ITPR1: variants seen among roughly 807,000 people sequenced by gnomAD.
ITPR1 encodes the protein inositol 1,4,5-trisphosphate receptor type 1, also known as inositol 1,4,5-trisphosphate-gated calcium channel ITPR1.
Under a neutral mutation model 318.4 loss-of-function variants are expected in ITPR1, and 96 were observed. The ratio of observed to expected loss-of-function variants is 0.30; its 90% CI spans 0.26 to 0.36. The LOEUF (loss-of-function observed/expected upper bound fraction) is 0.36. Ranked by LOEUF, ITPR1 falls within the 10% of genes least tolerant of loss-of-function variation. The pLI is 1.00. For synonymous variants in ITPR1, 1,312 were observed against 1,289.9 expected, an observed-to-expected ratio of 1.02 and a Z score of -0.37; for missense variants, 2,440 against 3,460.2, an observed-to-expected ratio of 0.71 and a Z score of 7.40.
chr3:4,733,201 C>T lies in ITPR1; in HGVS notation c.5334C>T (p.Pro1778=), dbSNP rs760202989. The T allele has an allele frequency of 2.3e-5, 37 of 1,613,816 alleles. No homozygotes were observed. Among genetic ancestry groups the T allele is most frequent in the Middle Eastern group, 3.3e-4 (2 of 6,078 alleles). The change falls in exon 43 of 62, where the codon CCC becomes CCT. Residue 1778 remains proline, a synonymous_variant. Coordinates refer to ENST00000649015, the MANE Select transcript of ITPR1 (RefSeq NM_001378452.1). The part of the protein sequence containing the change: ...FGNGPLSAGG[P]GKPGGGGGGS... ...ATGGCCCACTGTCAGCAGGAGGACC[C>T]GGCAAGCCCGGGGGAGGAGGTACGC...
intron 48 of ITPR1, among the ~76,000 whole-genome samples, chr3:4,778,910 C>T (rs766940169): frequency 1.3e-5 from 2 of 152,182 alleles, no homozygotes; most frequent in Non-Finnish European, 2.9e-5. Flanking sequence ...GACCCAGGGC[C>T]TAAAATGAAG....
intron 25 of ITPR1, 38 bp from the exon 26 acceptor site, chr3:4,681,326 C>G (rs781421334): frequency 3.6e-5 from 54 of 1,490,078 alleles, no homozygotes; most frequent in Non-Finnish European, 4.9e-5. Context: ...TGTTTGCAGA[C>G]CTTCCTGCAT....
At chr3:4,536,038 A>G (rs2083840838) in intron 4 of ITPR1, among the ~76,000 whole-genome samples, 1 of 152,222 alleles carries the variant, frequency 6.6e-6, no homozygotes, top group South Asian at 2.1e-4. Context: ...CTGTGGTACC[A>G]TTTCTGGAAT....
At chr3:4,527,318 G>A (rs113006668) in intron 4 of ITPR1, among the ~76,000 whole-genome samples, 2,623 of 152,164 alleles carry the variant, frequency 0.017, 68 homozygotes, top group African/African-American at 0.058. Context: ...CTGGGACTAC[G>A]GACATACCCC....
chr3:4,622,683 G>T (rs368849460), intron 4 of ITPR1, among the ~76,000 whole-genome samples: 6 of 152,296 alleles, frequency 3.9e-5, no homozygotes, highest in East Asian at 1.9e-4. Flanking sequence ...AAAGTCCTGG[G>T]CTTACAGGTG....
At chr3:4,825,037 G>A (rs1349717817) in intron 60 of ITPR1, among the ~76,000 whole-genome samples, 2 of 152,184 alleles carry the variant, frequency 1.3e-5, no homozygotes, top group African/African-American at 4.8e-5. Context: ...CAGCCAGACT[G>A]GAGCTTCCAC....
chr3:4,684,449 C>G, intron 29 of ITPR1, 103 bp downstream of exon 29: 1 of 817,168 alleles, frequency 1.2e-6, no homozygotes, highest in Non-Finnish European at 2.0e-6. Context: ...GAGCTTTTTT[C>G]TTCATGTGGT....
At chr3:4,733,546 C>T (rs2043075561) in intron 43 of ITPR1, among the ~76,000 whole-genome samples, 1 of 152,112 alleles carries the variant, frequency 6.6e-6, no homozygotes, top group Non-Finnish European at 1.5e-5. Flanking sequence ...TCTTGTCTTT[C>T]CGTAAAATAA....
intron 30 of ITPR1, among the ~76,000 whole-genome samples, chr3:4,687,380 C>T (rs539455270): frequency 6.6e-6 from 1 of 152,278 alleles, no homozygotes; most frequent in East Asian, 1.9e-4. Context: ...ATGAAGTGTG[C>T]ACTTTTGTTA....
intron 4 of ITPR1, among the ~76,000 whole-genome samples, chr3:4,623,002 C>T (rs1200995642): frequency 6.6e-6 from 1 of 152,228 alleles, no homozygotes; most frequent in Admixed American, 6.5e-5. Flanking sequence ...TTCTGCTGGT[C>T]TGGCAACCTT....
chr3:4,527,042 C>T (rs942877062), intron 4 of ITPR1, among the ~76,000 whole-genome samples: 1 of 152,218 alleles, frequency 6.6e-6, no homozygotes, highest in African/African-American at 2.4e-5. Context: ...CGCTGTGCAG[C>T]ACCCTGAGAC....
chr3:4,541,751 G>T (rs887727088), intron 4 of ITPR1, among the ~76,000 whole-genome samples: 1 of 151,790 alleles, frequency 6.6e-6, no homozygotes, highest in Admixed American at 6.6e-5. Context: ...TCAGCCTCCC[G>T]AGTAGCTGGG....
intron 4 of ITPR1, among the ~76,000 whole-genome samples, chr3:4,528,249 G>A (rs1344841318): frequency 6.6e-6 from 1 of 152,190 alleles, no homozygotes; most frequent in East Asian, 1.9e-4. Context: ...ATTAGTGGCG[G>A]AAACAGGCAG....
intron 19 of ITPR1, among the ~76,000 whole-genome samples, 154 bp from the exon 20 acceptor site, chr3:4,670,575 A>T (rs1308586890): frequency 6.6e-6 from 1 of 152,218 alleles, no homozygotes; most frequent in Non-Finnish European, 1.5e-5. Flanking sequence ...GTTACAGTAT[A>T]TGAAGATGTT....
intron 4 of ITPR1, among the ~76,000 whole-genome samples, chr3:4,618,565 C>A (rs1011922612): frequency 6.6e-6 from 1 of 152,220 alleles, no homozygotes; most frequent in African/African-American, 2.4e-5. Context: ...TTTTCATATG[C>A]AACCTTCCCC....
Position 4,818,074 on chromosome 3 carries a change from A to C in ITPR1, c.7868-8A>C. ...GCTGGGGCTGGGGGCTTTTTGTCTC[A>C]TTTTTAGGCTTGGAAAGAGACAAGT... On this transcript the variant is annotated splice_region_variant and splice_polypyrimidine_tract_variant and intron_variant, in intron 59 of 61. Transcript: ENST00000649015. 1 of 1,590,562 alleles carries C rather than the reference A, an allele frequency of 6.3e-7. No individual in the cohort carries two copies. Among genetic ancestry groups the C allele is most frequent in the Middle Eastern group, 1.7e-4 (1 of 5,994 alleles).
chr3:4,508,761 C>A (rs928472182), intron 2 of ITPR1, among the ~76,000 whole-genome samples: 2 of 152,162 alleles, frequency 1.3e-5, no homozygotes, highest in Non-Finnish European at 2.9e-5. Flanking sequence ...ACCCCCACTG[C>A]CAGCAGGGGA....
intron 2 of ITPR1, among the ~76,000 whole-genome samples, chr3:4,506,796 C>T (rs1434634504): frequency 6.6e-6 from 1 of 152,158 alleles, no homozygotes; most frequent in African/African-American, 2.4e-5. Flanking sequence ...AGTTTCCAAA[C>T]TTATACAGTG....
chr3:4,787,816 C>A, intron 51 of ITPR1, 131 bp from the exon 52 acceptor site: 1 of 600,072 alleles, frequency 1.7e-6, no homozygotes, highest in Non-Finnish European at 2.9e-6. Flanking sequence ...ACACACAGCC[C>A]AGTTTGGGGT....
Sources: allele counts gnomAD v4.1 joint callset (sites outside exome capture counted in the v4.1 genomes callset), GRCh38; gene constraint gnomAD v4.1.1; transcripts MANE v1.5; gene names NCBI Gene and HGNC (gene_info 2026-07-23, HGNC 2026-07-21).